URB1: variants seen among roughly 807,000 people sequenced by gnomAD.
URB1 encodes the protein nucleolar pre-ribosomal-associated protein 1.
URB1 carries 197 observed loss-of-function variants against 242.3 expected under a neutral mutation model. That is an observed-to-expected ratio of 0.81 (90% CI 0.72 to 0.91). The LOEUF (loss-of-function observed/expected upper bound fraction) is 0.91. URB1 is among the 40% of genes least tolerant of loss of function. The pLI, the probability that URB1 is intolerant of heterozygous loss-of-function variation, is 0.00. For missense variants in URB1, 2,721 were observed against 2,860.5 expected (o/e 0.95, Z 1.11); for synonymous variants, 1,153 against 1,201.8 (o/e 0.96, Z 0.84).
At chr21:32,390,779 C>T (rs199701298) in intron 1 of URB1, among the ~76,000 whole-genome samples, 53 of 151,160 alleles carry the variant, frequency 3.5e-4, no homozygotes, top group South Asian at 4.2e-4. Context: ...GGACTGTAAA[C>T]TAGTTCAACC....
At chr21:32,357,867 A>C (rs1473789764) in intron 14 of URB1, among the ~76,000 whole-genome samples, 2 of 152,040 alleles carry the variant, frequency 1.3e-5, no homozygotes, top group African/African-American at 4.8e-5. Flanking sequence ...GTCTCTACTA[A>C]AAAATACAAA....
Position 32,363,269 on chromosome 21 carries a change from C to G in URB1, c.1396G>C (p.Ala466Pro). ...AGGCAGTGGTCAACAGTTTTTAATGCCCTCTTCAAAATGACAGAAATAAGG... is the reference window on the plus strand; with the variant it reads ...AGGCAGTGGTCAACAGTTTTTAATGGCCTCTTCAAAATGACAGAAATAAGG... ...LSLISVILKR[A>P]LKTVDHCLNK... The change falls in exon 11 of 39, where the codon GCA becomes CCA. Residue 466 changes from alanine to proline, a missense_variant. Physicochemically the swap from Ala to Pro is conservative, Grantham distance 27 (BLOSUM62 -1). Coordinates refer to ENST00000382751, the MANE Select transcript of URB1 (RefSeq NM_014825.3). 6 of 1,551,820 alleles carry G rather than the reference C, an allele frequency of 3.9e-6. No homozygotes were observed. Among genetic ancestry groups the G allele is most frequent in the Non-Finnish European group, 8.7e-7 (1 of 1,147,040 alleles).
intron 31 of URB1, 39 bp from the exon 32 acceptor site, chr21:32,324,641 G>A (rs751240274): frequency 1.4e-5 from 21 of 1,462,242 alleles, no homozygotes; most frequent in South Asian, 2.4e-5. Flanking sequence ...TAAGATGAGC[G>A]TGTTCAGAGC....
At chr21:32,357,514 A>G in intron 15 of URB1, 23 bp downstream of exon 15, 3 of 1,488,582 alleles carry the variant, frequency 2.0e-6, no homozygotes, top group Non-Finnish European at 1.8e-6. Flanking sequence ...TTTCAGAGTT[A>G]GAAACTGGTA....
intron 21 of URB1, among the ~76,000 whole-genome samples, chr21:32,348,226 C>T (rs906449263): frequency 1.3e-5 from 2 of 152,210 alleles, no homozygotes; most frequent in African/African-American, 4.8e-5. Flanking sequence ...CAATCAGCTG[C>T]TGGCTTCTCC....
At chr21:32,330,622 T>G (rs2032882935) in intron 30 of URB1, among the ~76,000 whole-genome samples, 2 of 152,318 alleles carry the variant, frequency 1.3e-5, no homozygotes, top group East Asian at 3.9e-4. Flanking sequence ...AAAGGTCCAG[T>G]AGTCTTGCAT....
chr21:32,375,876 G>A (rs941135850), intron 5 of URB1, among the ~76,000 whole-genome samples: 1 of 152,054 alleles, frequency 6.6e-6, no homozygotes, highest in African/African-American at 2.4e-5. Flanking sequence ...AGGATCACCA[G>A]TACCCAGGAG....
intron 4 of URB1, among the ~76,000 whole-genome samples, chr21:32,379,410 G>T (rs1275620109): frequency 6.6e-6 from 1 of 152,226 alleles, no homozygotes; most frequent in Non-Finnish European, 1.5e-5. Context: ...TCACTGCCAA[G>T]AAATAAGTTA....
intron 1 of URB1, among the ~76,000 whole-genome samples, chr21:32,388,817 G>A (rs111503781): frequency 0.011 from 1,614 of 152,266 alleles, 26 homozygotes; most frequent in African/African-American, 0.036. Flanking sequence ...AGTATTACAG[G>A]GTGGAAACTG....
chr21:32,345,662 A>T (rs2033078906), intron 22 of URB1, 87 bp from the exon 23 acceptor site: 3 of 1,352,438 alleles, frequency 2.2e-6, no homozygotes, highest in Non-Finnish European at 3.0e-6. Flanking sequence ...TGGTTGCTAT[A>T]TTTTAGGTAT....
Position 32,345,543 on chromosome 21 carries a change from T to C in URB1, c.3901A>G (p.Thr1301Ala), listed in dbSNP as rs1162551484. The C allele has an allele frequency of 2.6e-6, 4 of 1,547,962 alleles. No homozygotes were observed. Among genetic ancestry groups the C allele is most frequent in the Non-Finnish European group, 1.7e-6 (2 of 1,143,954 alleles). Residue 1301 changes from threonine (T) to alanine (A), a missense_variant, in exon 23 of 39, where the codon ACC becomes GCC. Transcript: ENST00000382751. ...CTGCTCTGTAGCTGCCTCCACAGGG[T>C]CTTCCTCAAGACAGGAATGACAGCG... ...SSAVIPVLRK[T>A]LWRQLQSRLL...
rs2033149262 is a variant in URB1, at chr21:32,350,863, T to C, written c.2673A>G (p.Thr891=). 2 of 1,550,552 alleles carry C rather than the reference T, an allele frequency of 1.3e-6. No individual in the cohort carries two copies. The highest frequency in any genetic ancestry group is 8.7e-7 in the Non-Finnish European group (1 of 1,146,958). ...PPALPLASSF[T]ALLQAAYESQ... is the part of the protein sequence containing the mutation. ...TCTCGTAGGCTGCCTGCAGCAGGGC[T>C]GTGAAGGACGAGGCCAAGGGAAGGG... is the stretch of plus-strand genomic sequence containing the variant. Residue 891 remains threonine (T), a synonymous_variant, in exon 20 of 39, where the codon ACA becomes ACG. Transcript: ENST00000382751.
intron 12 of URB1, among the ~76,000 whole-genome samples, chr21:32,361,598 C>A (rs756839524): frequency 6.6e-6 from 1 of 152,188 alleles, no homozygotes; most frequent in Non-Finnish European, 1.5e-5. Flanking sequence ...ACAGCACCCC[C>A]ATACTGTCAT....
rs534239300 is a variant in URB1, at chr21:32,347,785, G to A, written c.3039C>T (p.Ile1013=). The change falls in exon 22 of 39, where the codon ATC becomes ATT. Residue 1013 remains isoleucine (I), a synonymous_variant. Coordinates refer to ENST00000382751, the MANE Select transcript of URB1 (RefSeq NM_014825.3). ...AGCCCTCCAGGGTGGGGTGCCTGAG[G>A]ATGGCCACAAGCACCTCCTCCAGCG... ...DQTLEEVLVA[I]LRHPTLEGWF... 1 of 1,546,618 alleles carries A rather than the reference G, an allele frequency of 6.5e-7. No homozygotes were observed. The highest frequency in any genetic ancestry group is 1.2e-5 in the South Asian group (1 of 83,998).
intron 1 of URB1, among the ~76,000 whole-genome samples, chr21:32,387,056 G>C (rs1361666675): frequency 6.6e-6 from 1 of 152,140 alleles, no homozygotes; most frequent in Non-Finnish European, 1.5e-5. Context: ...AAAACCCAAA[G>C]GAGGGCACCC....
rs768388177 is a variant in URB1, at chr21:32,392,810, C to G, written c.101G>C (p.Arg34Pro). Residue 34 changes from arginine (R) to proline (P), a missense_variant, in exon 1 of 39, where the codon CGG becomes CCG. Arg to Pro is a moderately radical substitution (Grantham distance 103). Coordinates refer to ENST00000382751, the MANE Select transcript of URB1 (RefSeq NM_014825.3). ...CGGGTCCTTCAGCTGAGCCTTGAAC[C>G]GCACGCCCGTGAGCTCTTCTTTGCG... The part of the protein sequence containing the change: ...RARKEELTGV[R>P]FKAQLKDPQG... 6.5e-7 allele frequency: 1 copy of G among 1,530,174 alleles called. No homozygotes were observed. Among genetic ancestry groups the G allele is most frequent in the East Asian group, 2.5e-5 (1 of 40,410 alleles). The allele number at this position is 1,530,174 out of a possible 1,614,324, so 94.8% of individuals were successfully genotyped here.
At chr21:32,352,651 T>C (rs2033170753) in intron 19 of URB1, 59 bp downstream of exon 19, 1 of 1,544,474 alleles carries the variant, frequency 6.5e-7, no homozygotes. Context: ...CCCAGCCAGC[T>C]GGGACCCTGG....
chr21:32,314,878 G>A lies in URB1; in HGVS notation c.*40C>T. The stretch of plus-strand genomic sequence containing the variant: ...TTCTAGAAGCTGGTGCTGTGCTCGA[G>A]GCTCTGGTCATCAGGGTGCAAGGTG... On this transcript the variant is annotated 3_prime_UTR_variant, in exon 39 of 39. Transcript: ENST00000382751. The A allele has an allele frequency of 6.5e-7, 1 of 1,535,680 alleles. No homozygotes were observed. The highest frequency in any genetic ancestry group is 8.8e-7 in the Non-Finnish European group (1 of 1,138,034).
chr21:32,362,402 T>C (rs1440417382), intron 11 of URB1, among the ~76,000 whole-genome samples: 2 of 152,110 alleles, frequency 1.3e-5, no homozygotes, highest in Non-Finnish European at 2.9e-5. Context: ...AAGCAGGGTT[T>C]CACCATGTTG....
Sources: gnomAD v4.1 joint callset for allele counts (sites outside exome capture counted in the v4.1 genomes callset) on GRCh38, gnomAD v4.1.1 for gene constraint, MANE v1.5 for transcripts, NCBI Gene and HGNC (gene_info 2026-07-23, HGNC 2026-07-21) for gene names.